The following SAMD5 variants were observed in gnomAD, a reference collection of about 807,000 sequenced individuals.
The protein encoded by SAMD5 is sterile alpha motif domain-containing protein 5.
SAMD5 carries 13 observed loss-of-function variants against 11.3 expected under a neutral mutation model. That is an observed-to-expected ratio of 1.15 (90% CI 0.75 to 1.83). The LOEUF (loss-of-function observed/expected upper bound fraction) is 1.83, where lower values mean the gene tolerates loss of function less well. Among genes scored for constraint, SAMD5 ranks in the 40% most tolerant of loss-of-function variants. The pLI is 0.00. For synonymous variants in SAMD5, 129 were observed against 111.3 expected, an observed-to-expected ratio of 1.16 and a Z score of -1.00; for missense variants, 255 against 239.1, an observed-to-expected ratio of 1.07 and a Z score of -0.44.
chr6:147,906,903 A>T, the SAMD5 span, among the ~76,000 whole-genome samples: 3 of 152,144 alleles, frequency 2.0e-5, no homozygotes, highest in African/African-American at 7.2e-5. Flanking sequence ...CTGTAGCTTG[A>T]GGATTTAGGT....
the SAMD5 span, among the ~76,000 whole-genome samples, chr6:147,911,310 T>TA: frequency 1.3e-5 from 2 of 152,196 alleles, no homozygotes; most frequent in Non-Finnish European, 2.9e-5. Flanking sequence ...TGCCTTCTGT[T>TA]ACCTTCAAAA....
At chr6:147,649,545 A>G (rs1000962847) in intron 1 of SAMD5, among the ~76,000 whole-genome samples, 1 of 152,216 alleles carries the variant, frequency 6.6e-6, no homozygotes, top group African/African-American at 2.4e-5. Flanking sequence ...TAATCCCAGC[A>G]CTTTGGGAAG....
chr6:147,823,259 A>G, the SAMD5 span, among the ~76,000 whole-genome samples: 144 of 152,306 alleles, frequency 9.5e-4, 1 homozygote, highest in South Asian at 8.3e-3. Flanking sequence ...TCTGAAAAAT[A>G]CTACAAGTAT....
the SAMD5 span, among the ~76,000 whole-genome samples, chr6:147,942,210 T>C: frequency 1.3e-5 from 2 of 152,106 alleles, no homozygotes; most frequent in Admixed American, 6.5e-5. Context: ...CATTTACTAA[T>C]AGATGGTATT....
At chr6:147,869,641 T>C in the SAMD5 span, among the ~76,000 whole-genome samples, 2 of 152,124 alleles carry the variant, frequency 1.3e-5, no homozygotes, top group African/African-American at 4.8e-5. Flanking sequence ...AACAAACAGG[T>C]GCAATTAACT....
chr6:147,867,134 A>G, the SAMD5 span, among the ~76,000 whole-genome samples: 1 of 152,174 alleles, frequency 6.6e-6, no homozygotes, highest in African/African-American at 2.4e-5. Context: ...TGGCCTGATG[A>G]CGGTAAAAAC....
the SAMD5 span, among the ~76,000 whole-genome samples, chr6:147,813,362 G>A: frequency 1.1e-4 from 17 of 152,194 alleles, no homozygotes; most frequent in Non-Finnish European, 2.1e-4. Flanking sequence ...TAGATACCCA[G>A]ACTGGTTGAT....
chr6:147,523,817 A>G (rs1344385683), intron 1 of SAMD5, among the ~76,000 whole-genome samples: 1 of 152,180 alleles, frequency 6.6e-6, no homozygotes, highest in Non-Finnish European at 1.5e-5. Context: ...TCCTGTAGTC[A>G]CTGTCATTTA....
intron 1 of SAMD5, among the ~76,000 whole-genome samples, chr6:147,631,057 C>T (rs374962703): frequency 5.2e-4 from 79 of 152,072 alleles, no homozygotes; most frequent in East Asian, 2.5e-3. Context: ...AGATAATGGG[C>T]GATGTTTCTC....
chr6:147,908,188 A>G, the SAMD5 span, among the ~76,000 whole-genome samples: 1 of 152,228 alleles, frequency 6.6e-6, no homozygotes. Flanking sequence ...AAAACAGAGC[A>G]GCAGGTGACA....
the SAMD5 span, among the ~76,000 whole-genome samples, chr6:147,904,321 T>C: frequency 6.6e-6 from 1 of 152,142 alleles, no homozygotes; most frequent in Non-Finnish European, 1.5e-5. Context: ...CCAAATGTGC[T>C]CCAGTATCCT....
Position 147,567,330 on chromosome 6 carries a change from T to G in SAMD5, c.*2874T>G. On this transcript the variant is annotated 3_prime_UTR_variant, in exon 2 of 2. Transcript: ENST00000367474. The stretch of plus-strand genomic sequence containing the variant: ...TCAGTTCAGAGATATTTATAGCATC[T>G]TGGTGTTATGCAATAAACAATGACA... 1.0e-6 allele frequency: 1 copy of G among 985,296 alleles called. No homozygotes were observed. Among genetic ancestry groups the G allele is most frequent in the Non-Finnish European group, 1.2e-6 (1 of 829,778 alleles). 61.0% of individuals were successfully genotyped at this position (985,296 alleles called of 1,614,324 possible).
the SAMD5 span, among the ~76,000 whole-genome samples, chr6:147,754,237 G>A: frequency 6.6e-5 from 10 of 151,946 alleles, no homozygotes; most frequent in African/African-American, 2.4e-4. Context: ...TTGAATATAA[G>A]CCATTTTAAC....
intron 1 of SAMD5, among the ~76,000 whole-genome samples, chr6:147,706,410 T>G (rs1389844487): frequency 6.6e-6 from 1 of 152,096 alleles, no homozygotes; most frequent in Non-Finnish European, 1.5e-5. Context: ...AGTTTTTTAG[T>G]AAAGATGGGG....
intron 1 of SAMD5, among the ~76,000 whole-genome samples, chr6:147,666,194 C>G (rs146849330): frequency 2.0e-5 from 3 of 152,224 alleles, no homozygotes; most frequent in African/African-American, 7.2e-5. Flanking sequence ...GCCTCAGTCT[C>G]CCGAAGTGCT....
At chr6:147,654,791 A>T (rs969681349) in intron 1 of SAMD5, among the ~76,000 whole-genome samples, 2 of 150,990 alleles carry the variant, frequency 1.3e-5, no homozygotes, top group African/African-American at 2.4e-5. Flanking sequence ...AAAAAAAAAA[A>T]ATATAAAACA....
the SAMD5 span, among the ~76,000 whole-genome samples, chr6:147,865,916 A>G: frequency 1.3e-5 from 2 of 152,216 alleles, no homozygotes; most frequent in African/African-American, 2.4e-5. Context: ...TTTCCAAAGC[A>G]TATTTGAATA....
chr6:147,895,956 G>C, the SAMD5 span, among the ~76,000 whole-genome samples: 1 of 152,140 alleles, frequency 6.6e-6, no homozygotes, highest in Non-Finnish European at 1.5e-5. Flanking sequence ...GACAGCTGGG[G>C]GTCTTAAGCA....
intron 1 of SAMD5, among the ~76,000 whole-genome samples, chr6:147,593,819 A>T (rs1186161728): frequency 6.6e-6 from 1 of 152,070 alleles, no homozygotes; most frequent in South Asian, 2.1e-4. Context: ...ACTCATCCCC[A>T]TGAAAGTAAA....
Sources: allele counts gnomAD v4.1 joint callset (sites outside exome capture counted in the v4.1 genomes callset), GRCh38; gene constraint gnomAD v4.1.1; transcripts MANE v1.5; gene names NCBI Gene and HGNC (gene_info 2026-07-23, HGNC 2026-07-21).